The following FAM228A variants were observed in gnomAD, a reference collection of about 807,000 sequenced individuals.
FAM228A encodes protein FAM228A.
In FAM228A, 13 loss-of-function variants were observed where a neutral mutation model predicts 18.6. The ratio of observed to expected loss-of-function variants is 0.70; its 90% CI spans 0.45 to 1.11. The LOEUF is 1.11. FAM228A is among the 50% of genes least tolerant of loss of function. FAM228A has a pLI of 0.00. For synonymous variants in FAM228A, 77 were observed against 86.6 expected, an observed-to-expected ratio of 0.89 and a Z score of 0.61; for missense variants, 240 against 242.2, an observed-to-expected ratio of 0.99 and a Z score of 0.06.
At position 24,183,533 on chromosome 2, in the gene FAM228A, A is replaced by G. The variant is rs778516038; in HGVS notation, c.289A>G (p.Lys97Glu). The G allele has an allele frequency of 1.2e-6, 2 of 1,612,736 alleles. No homozygotes were observed. The highest frequency in any genetic ancestry group is 1.1e-5 in the South Asian group (1 of 90,660). ...HSIKELEEIEKARLHASSPYF... is the reference protein window; with the variant it reads ...HSIKELEEIEEARLHASSPYF... ...CATAAAAGAACTTGAAGAAATAGAG[A>G]AGGCCAGGCTGCATGCCAGCTCGCC... Residue 97 changes from lysine to glutamate, a missense_variant, in exon 5 of 6, where the codon AAG (lysine) becomes GAG (glutamate). Transcript: ENST00000295150.
chr2:24,190,654 T>C lies in FAM228A; in HGVS notation c.*23T>C. 6.6e-7 allele frequency: 1 copy of C among 1,518,740 alleles called. No homozygotes were observed. The highest frequency in any genetic ancestry group is 8.8e-7 in the Non-Finnish European group (1 of 1,135,380). 94.1% of individuals were successfully genotyped at this position (1,518,740 alleles called of 1,614,324 possible). On this transcript the variant is annotated 3_prime_UTR_variant, in exon 6 of 6. Transcript: ENST00000295150. ...TGAGCCACCGCCACAGCCCTCCCTG[T>C]CAGACAGGCACCCAAGGGCGGAGGA...
rs11393744 is a variant in FAM228A at position 24,180,291 on chromosome 2, C to CAA, written c.162+2433_162+2434dup. ...GCAACATGGCAAAAACCCGTCTGTACAAAAAAAAAAAAAGCCCAGGTGTGG... is the reference window on the plus strand; with the variant it reads ...GCAACATGGCAAAAACCCGTCTGTACAAAAAAAAAAAAAAAGCCCAGGTGTGG... On this transcript the variant is annotated intron_variant, in intron 3 of 5. Transcript: ENST00000295150. Among the ~76,000 whole-genome samples, 862 of 132,784 alleles carry CAA rather than the reference C, an allele frequency of 6.5e-3. 5 individuals are homozygous for CAA. The highest frequency in any genetic ancestry group is 0.014 in the African/African-American group (476 of 35,172). 87.1% of individuals were successfully genotyped at this position (132,784 alleles called of 152,430 possible).
intron 3 of FAM228A, among the ~76,000 whole-genome samples, chr2:24,180,162 T>C (rs1054488831): frequency 6.6e-6 from 1 of 151,938 alleles, no homozygotes; most frequent in African/African-American, 2.4e-5. Flanking sequence ...CTAGTAGATA[T>C]CTAGAGTAGT....
At chr2:24,176,798 A>G (rs1392843817) in intron 2 of FAM228A, among the ~76,000 whole-genome samples, 1 of 152,168 alleles carries the variant, frequency 6.6e-6, no homozygotes, top group African/African-American at 2.4e-5. Flanking sequence ...AACCTGTATC[A>G]TTTTTCATCA....
At chr2:24,175,881 A>G in intron 2 of FAM228A, 1 of 1,088,206 alleles carries the variant, frequency 9.2e-7, no homozygotes, top group Non-Finnish European at 1.1e-6. Context: ...AGCGTCTGGT[A>G]ATGATTTTCT....
At position 24,179,131 on chromosome 2, in the gene FAM228A, G is replaced by A. The variant is rs185418226; in HGVS notation, c.162+1261G>A. The A allele has an allele frequency of 7.4e-5, 80 of 1,087,924 alleles. No homozygotes were observed. In the East Asian group the frequency reaches 5.0e-3, roughly 68 times the overall value. 67.4% of individuals were successfully genotyped at this position (1,087,924 alleles called of 1,614,324 possible). A position where few individuals can be genotyped will look rare whatever the true frequency, so the allele number is the denominator to read the frequency against. On this transcript the variant is annotated intron_variant, in intron 3 of 5. Coordinates refer to ENST00000295150, the MANE Select transcript of FAM228A (RefSeq NM_001040710.3). Reference sequence around the variant, plus strand: ...ACTAGAGATTGGATATGTATTTTCAGCATGTGGATACTTTTAAGGAAAGAA... The same window carrying A: ...ACTAGAGATTGGATATGTATTTTCAACATGTGGATACTTTTAAGGAAAGAA...
intron 2 of FAM228A, chr2:24,175,856 A>C: frequency 8.5e-7 from 1 of 1,174,326 alleles, no homozygotes. Context: ...CTTGCCAGTC[A>C]ATTCTGCATA....
At position 24,190,768 on chromosome 2, in the gene FAM228A, C is replaced by A; in HGVS notation, c.*137C>A. 7.5e-7 allele frequency: 1 copy of A among 1,337,508 alleles called. No homozygotes were observed. Among genetic ancestry groups the A allele is most frequent in the South Asian group, 2.4e-5 (1 of 41,720 alleles). The allele number at this position is 1,337,508 out of a possible 1,614,324, so 82.9% of individuals were successfully genotyped here. On this transcript the variant is annotated 3_prime_UTR_variant, in exon 6 of 6. Coordinates refer to ENST00000295150, the MANE Select transcript of FAM228A (RefSeq NM_001040710.3). Reference sequence around the variant, plus strand: ...GCACTGCAGCTCTGACAGGGCCCCTCGGGCGGGGAAGCCTTGCATGAAGAA... The same window carrying A: ...GCACTGCAGCTCTGACAGGGCCCCTAGGGCGGGGAAGCCTTGCATGAAGAA...
chr2:24,191,031 A>G lies in FAM228A; in HGVS notation c.*400A>G. The stretch of plus-strand genomic sequence containing the variant: ...CAACTGGTGGGAAGTTTTTGAAATG[A>G]AATTTATACCAAAAAATTAGGGCAA... On this transcript the variant is annotated 3_prime_UTR_variant, in exon 6 of 6. Coordinates refer to ENST00000295150, the MANE Select transcript of FAM228A (RefSeq NM_001040710.3). 8.0e-6 allele frequency: 8 copies of G among 998,764 alleles called. 1 individual carries two copies. The highest frequency in any genetic ancestry group is 8.3e-6 in the Non-Finnish European group (7 of 838,996). 61.9% of individuals were successfully genotyped at this position (998,764 alleles called of 1,614,324 possible).
Position 24,175,487 on chromosome 2 carries a change from G to A in FAM228A, c.7G>A (p.Ala3Thr), listed in dbSNP as rs368326733. 6.2e-7 allele frequency: 1 copy of A among 1,613,940 alleles called. No homozygotes were observed. The highest frequency in any genetic ancestry group is 8.5e-7 in the Non-Finnish European group (1 of 1,179,772). MA[A>T]TKTASYDEHF... ...CTCAGGGATTCTCCTGTCCATGGCT[G>A]CCACCAAAACTGCGAGTTATGATGA... The change falls in exon 2 of 6, where the codon GCC becomes ACC. Residue 3 changes from alanine to threonine, a missense_variant. Coordinates refer to ENST00000295150, the MANE Select transcript of FAM228A (RefSeq NM_001040710.3).
intron 3 of FAM228A, among the ~76,000 whole-genome samples, chr2:24,178,172 T>G (rs575111986): frequency 6.6e-6 from 1 of 152,358 alleles, no homozygotes; most frequent in East Asian, 1.9e-4. Flanking sequence ...CACACTTGCC[T>G]CTTTCTCATA....
chr2:24,189,953 C>T (rs1668041067), intron 5 of FAM228A, among the ~76,000 whole-genome samples: 1 of 152,168 alleles, frequency 6.6e-6, no homozygotes, highest in South Asian at 2.1e-4. Flanking sequence ...GGGGGACTGA[C>T]TGGGAGGCTG....
chr2:24,183,581 T>C lies in FAM228A; in HGVS notation c.337T>C (p.Cys113Arg). 1 of 1,614,040 alleles carries C rather than the reference T, an allele frequency of 6.2e-7. No homozygotes were observed. Among genetic ancestry groups the C allele is most frequent in the South Asian group, 1.1e-5 (1 of 91,048 alleles). Residue 113 changes from cysteine to arginine, a missense_variant, in exon 5 of 6, where the codon TGT becomes CGT. Physicochemically the swap from Cys to Arg is radical, Grantham distance 180. Coordinates refer to ENST00000295150, the MANE Select transcript of FAM228A (RefSeq NM_001040710.3). ...GCCCTACTTCACTTTCACTTCACACTGTGTGATTCCAAAAGAGTGGCATAA... is the reference window on the plus strand; with the variant it reads ...GCCCTACTTCACTTTCACTTCACACCGTGTGATTCCAAAAGAGTGGCATAA... ...SSPYFTFTSH[C>R]VIPKEWHKAS...
chr2:24,175,082 C>T lies in FAM228A; in HGVS notation c.-107C>T, dbSNP rs1667645286. On this transcript the variant is annotated 5_prime_UTR_variant, in exon 1 of 6. Transcript: ENST00000295150. ...GCCCCGACGCTCGGGCCCGCGGGCT[C>T]CTTTCTCCGTCGCCGCTCCAGGACG... 1 of 171,332 alleles carries T rather than the reference C, an allele frequency of 5.8e-6. No homozygotes were observed. The highest frequency in any genetic ancestry group is 2.4e-5 in the African/African-American group (1 of 41,664). 10.6% of individuals were successfully genotyped at this position (171,332 alleles called of 1,614,324 possible).
At chr2:24,177,237 C>G (rs991002321) in intron 2 of FAM228A, among the ~76,000 whole-genome samples, 1 of 152,140 alleles carries the variant, frequency 6.6e-6, no homozygotes, top group South Asian at 2.1e-4. Flanking sequence ...GTCAGGAGTT[C>G]GAGAGCAGCC....
Position 24,177,873 on chromosome 2 carries a change from A to G in FAM228A, c.162+3A>G, listed in dbSNP as rs1573800872. On this transcript the variant is annotated splice_donor_region_variant and intron_variant, in intron 3 of 5. Transcript: ENST00000295150. ...TTAAAGAAAATTCCATTGTGAAGGT[A>G]AGAGTTGGCTCCACGCTGCATTCTA... The G allele has an allele frequency of 6.3e-7, 1 of 1,597,098 alleles. No homozygotes were observed. The highest frequency in any genetic ancestry group is 2.2e-5 in the East Asian group (1 of 44,626).
intron 3 of FAM228A, among the ~76,000 whole-genome samples, chr2:24,182,115 C>T (rs1384407886): frequency 2.6e-5 from 4 of 152,106 alleles, no homozygotes; most frequent in Non-Finnish European, 5.9e-5. Flanking sequence ...ACAGGCTGCC[C>T]GGGAGAGCTA....
At chr2:24,180,813 C>T (rs1667799429) in intron 3 of FAM228A, among the ~76,000 whole-genome samples, 1 of 152,184 alleles carries the variant, frequency 6.6e-6, no homozygotes, top group Admixed American at 6.5e-5. Context: ...TTCCTGATGT[C>T]ACACTGTTGA....
Position 24,190,840 on chromosome 2 carries a change from A to T in FAM228A, c.*209A>T. On this transcript the variant is annotated 3_prime_UTR_variant, in exon 6 of 6. Coordinates refer to ENST00000295150, the MANE Select transcript of FAM228A (RefSeq NM_001040710.3). ...GGGACCTGGACCCCACTTTCCGGAGACATCCTGTCCTTCCGAGGTGAGGGC... is the reference window on the plus strand; with the variant it reads ...GGGACCTGGACCCCACTTTCCGGAGTCATCCTGTCCTTCCGAGGTGAGGGC... 2 of 1,257,940 alleles carry T rather than the reference A, an allele frequency of 1.6e-6. No individual in the cohort carries two copies. The highest frequency in any genetic ancestry group is 2.0e-6 in the Non-Finnish European group (2 of 998,978). The allele number at this position is 1,257,940 out of a possible 1,614,324, so 77.9% of individuals were successfully genotyped here. A position where few individuals can be genotyped will look rare whatever the true frequency, so the allele number is the denominator to read the frequency against.
Sources: allele counts gnomAD v4.1 joint callset (sites outside exome capture counted in the v4.1 genomes callset), GRCh38; gene constraint gnomAD v4.1.1; transcripts MANE v1.5; gene names NCBI Gene and HGNC (gene_info 2026-07-23, HGNC 2026-07-21).